Variants in SLC47A2 observed in about 807,000 individuals in gnomAD.
The protein encoded by SLC47A2 is solute carrier family 47 member 2, also known as multidrug and toxin extrusion protein 2.
SLC47A2 carries 52 observed loss-of-function variants against 67.7 expected under a neutral mutation model. The ratio of observed to expected loss-of-function variants is 0.77; its 90% CI spans 0.61 to 0.97. SLC47A2 has a LOEUF of 0.97. Ranked by LOEUF, SLC47A2 falls within the 50% of genes least tolerant of loss-of-function variation. SLC47A2 has a pLI of 0.00. For synonymous variants in SLC47A2, 278 were observed against 292.9 expected (o/e 0.95, Z 0.52); for missense variants, 676 against 712.3 (o/e 0.95, Z 0.58).
chr17:19,683,143 T>C (rs73310747), intron 13 of SLC47A2, among the ~76,000 whole-genome samples: 136 of 152,340 alleles, frequency 8.9e-4, no homozygotes, highest in African/African-American at 3.2e-3. Flanking sequence ...TAAAGACTTC[T>C]CCCAAATTAT....
Position 19,681,602 on chromosome 17 carries a change from T to C in SLC47A2, c.1233A>G (p.Thr411=). 6.2e-6 allele frequency: 10 copies of C among 1,614,166 alleles called. No homozygotes were observed. Among genetic ancestry groups the C allele is most frequent in the East Asian group, 2.2e-5 (1 of 44,872 alleles). ...CCAGTGGTAGGCCGATGATGTAATATGTGATGGCATTCACAGCGGCACCAA... is the reference window on the plus strand; with the variant it reads ...CCAGTGGTAGGCCGATGATGTAATACGTGATGGCATTCACAGCGGCACCAA... ...QAFGAAVNAI[T]YYIIGLPLGI... The change falls in exon 14 of 17, where the codon ACA becomes ACG. Residue 411 remains threonine, a synonymous_variant. Coordinates refer to ENST00000433844, the MANE Select transcript of SLC47A2 (RefSeq NM_001099646.3).
chr17:19,699,550 G>A (rs773858248), intron 13 of SLC47A2, among the ~76,000 whole-genome samples: 59 of 146,284 alleles, frequency 4.0e-4, no homozygotes, highest in Middle Eastern at 3.4e-3. Context: ...CCTCCCCGCC[G>A]ACCCCCTCCC....
At chr17:19,696,553 C>A (rs957146594) in intron 13 of SLC47A2, among the ~76,000 whole-genome samples, 70 of 151,798 alleles carry the variant, frequency 4.6e-4, no homozygotes, top group Non-Finnish European at 2.2e-4. Flanking sequence ...ATCTACAATC[C>A]AAGAAACCCC....
At position 19,714,753 on chromosome 17, in the gene SLC47A2, A is replaced by C. The variant is rs2086203163; in HGVS notation, c.262T>G (p.Leu88Val). The change falls in exon 3 of 17, where the codon TTG becomes GTG. Residue 88 changes from leucine to valine, a missense_variant. Physicochemically the swap from Leu to Val is conservative, Grantham distance 32. Transcript: ENST00000433844. ...NVCGVSVGVG[L>V]SSACDTLMSQ... Reference sequence around the variant, plus strand: ...ATCAAGGTGTCACATGCCGAAGACAAACCAACTCCTACAGAAACTCCGCAG... The same window carrying C: ...ATCAAGGTGTCACATGCCGAAGACACACCAACTCCTACAGAAACTCCGCAG... 1 of 1,614,010 alleles carries C rather than the reference A, an allele frequency of 6.2e-7. No individual in the cohort carries two copies. The highest frequency in any genetic ancestry group is 1.7e-5 in the Admixed American group (1 of 60,012).
At chr17:19,716,740 C>A, upstream of SLC47A2, 1 of 867,618 alleles carries the variant, frequency 1.2e-6, no homozygotes, top group South Asian at 2.1e-5. Context: ...TGAGTCCCTG[C>A]TGCCAAGCCT....
chr17:19,706,880 C>CT (rs1195902869), intron 8 of SLC47A2, 119 bp from the exon 9 acceptor site: 1 of 687,794 alleles, frequency 1.5e-6, no homozygotes, highest in Non-Finnish European at 2.4e-6. Context: ...GCTTAGCAGG[C>CT]TCAGGCACTG....
At chr17:19,716,593 G>T (rs369663946), upstream of SLC47A2, 1 of 1,542,260 alleles carries the variant, frequency 6.5e-7, no homozygotes, top group East Asian at 2.4e-5. Context: ...ACGCCTGAGC[G>T]CCTGCACGGC....
intron 13 of SLC47A2, among the ~76,000 whole-genome samples, chr17:19,691,480 G>A (rs1407614952): frequency 6.6e-6 from 1 of 152,162 alleles, no homozygotes; most frequent in Non-Finnish European, 1.5e-5. Context: ...AATTATGTTA[G>A]GTGAAATAAG....
chr17:19,707,912 G>T, intron 7 of SLC47A2, 69 bp from the exon 8 acceptor site: 1 of 1,449,244 alleles, frequency 6.9e-7, no homozygotes, highest in Non-Finnish European at 9.5e-7. Context: ...CTGAGAGAGA[G>T]GTGGCTCTGG....
intron 13 of SLC47A2, among the ~76,000 whole-genome samples, chr17:19,682,087 C>T (rs1464241475): frequency 6.6e-6 from 1 of 152,038 alleles, no homozygotes; most frequent in African/African-American, 2.4e-5. Flanking sequence ...AAATTTGGGC[C>T]GGGCATGGTG....
intron 5 of SLC47A2, 42 bp downstream of exon 5, chr17:19,712,661 T>A: frequency 6.2e-7 from 1 of 1,605,188 alleles, no homozygotes; most frequent in Non-Finnish European, 8.5e-7. Flanking sequence ...AGCCAGAATT[T>A]AGGGGAATGT....
At position 19,705,282 on chromosome 17, in the gene SLC47A2, A is replaced by C. The variant is rs532939105; in HGVS notation, c.909+154T>G. ...GCACCTGTGTGTGAGTCCTGGCGTA[A>C]GCTGAGCAGGGTCTGGACCTGGTGG... On this transcript the variant is annotated intron_variant, in intron 10 of 16. Coordinates refer to ENST00000433844, the MANE Select transcript of SLC47A2 (RefSeq NM_001099646.3). 2.7e-5 allele frequency: 18 copies of C among 661,422 alleles called. No homozygotes were observed. In the African/African-American group the frequency reaches 3.2e-4, roughly 12 times the overall value. The allele number at this position is 661,422 out of a possible 1,614,324, so 41.0% of individuals were successfully genotyped here.
In SLC47A2 at chr17:19,713,820, C is replaced by G; in HGVS notation, c.443+5G>C. 1.2e-6 allele frequency: 2 copies of G among 1,605,976 alleles called. No individual in the cohort carries two copies. Among genetic ancestry groups the G allele is most frequent in the Non-Finnish European group, 1.7e-6 (2 of 1,175,396 alleles). ...CCCCACCTCCCCAGCCGGAGCCCAG[C>G]GCACCTGGACACGTCCGGGTCCTGC... On this transcript the variant is annotated splice_donor_5th_base_variant and intron_variant, in intron 4 of 16. Coordinates refer to ENST00000433844, the MANE Select transcript of SLC47A2 (RefSeq NM_001099646.3).
At chr17:19,690,185 CA>C (rs775156803) in intron 13 of SLC47A2, among the ~76,000 whole-genome samples, 1 of 152,084 alleles carries the variant, frequency 6.6e-6, no homozygotes, top group Non-Finnish European at 1.5e-5. Flanking sequence ...ACAGTCTCTT[CA>C]ATAAATAATG....
chr17:19,715,055 G>C (rs2086214275), intron 2 of SLC47A2, 61 bp downstream of exon 2: 4 of 1,557,008 alleles, frequency 2.6e-6, no homozygotes, highest in African/African-American at 2.7e-5. Flanking sequence ...GCCCACCCGG[G>C]AACCCGGTGG....
upstream of SLC47A2, chr17:19,718,945 C>T (rs1032291012): frequency 6.6e-6 from 1 of 152,254 alleles, no homozygotes; most frequent in Non-Finnish European, 1.5e-5. Flanking sequence ...AGGATTCTGC[C>T]CCGGAACCTG....
At chr17:19,701,179 A>G (rs1340642166) in intron 13 of SLC47A2, among the ~76,000 whole-genome samples, 1 of 151,890 alleles carries the variant, frequency 6.6e-6, no homozygotes, top group African/African-American at 2.4e-5. Flanking sequence ...AAAAAAAAAA[A>G]AAAAAAAAAT....
At chr17:19,708,902 G>T in intron 5 of SLC47A2, 142 bp from the exon 6 acceptor site, 1 of 1,073,600 alleles carries the variant, frequency 9.3e-7, no homozygotes, top group Non-Finnish European at 1.4e-6. Context: ...CCTCTCAGGT[G>T]CGGCCAAAGC....
rs545379374 is a variant in SLC47A2 at position 19,714,326 on chromosome 17, C to A, written c.295-353G>T. ...CTTTGTGACCCCATGGCCACCTGGG[C>A]AGCCCCTGCTGGACTGCAGGCCCCT... On this transcript the variant is annotated intron_variant, in intron 3 of 16. Coordinates refer to ENST00000433844, the MANE Select transcript of SLC47A2 (RefSeq NM_001099646.3). 1.5e-5 allele frequency: 6 copies of A among 391,454 alleles called. No individual in the cohort carries two copies. The East Asian group carries it at 2.8e-4, about 18-fold the overall frequency. 24.2% of individuals were successfully genotyped at this position (391,454 alleles called of 1,614,324 possible).
Sources: gnomAD v4.1 joint callset for allele counts (sites outside exome capture counted in the v4.1 genomes callset) on GRCh38, gnomAD v4.1.1 for gene constraint, MANE v1.5 for transcripts, NCBI Gene and HGNC (gene_info 2026-07-23, HGNC 2026-07-21) for gene names.